The following KCNH8 variants were observed in gnomAD, a reference collection of about 807,000 sequenced individuals.
KCNH8 encodes the protein potassium voltage-gated channel subfamily H member 8, also known as voltage-gated delayed rectifier potassium channel KCNH8.
Under a neutral mutation model 103.6 loss-of-function variants are expected in KCNH8, and 70 were observed. The observed-to-expected ratio is 0.68, with a 90% CI of 0.56 to 0.82. The LOEUF is 0.82. Among genes scored for constraint, KCNH8 ranks in the 40% least tolerant of loss-of-function variants. The pLI is 0.00. For missense variants in KCNH8, 1,217 were observed against 1,329.9 expected (o/e 0.92, Z 1.32); for synonymous variants, 498 against 489.4 (o/e 1.02, Z -0.23).
chr3:19,150,090 A>ACC (rs1338706283), intron 1 of KCNH8, among the ~76,000 whole-genome samples: 16 of 152,262 alleles, frequency 1.1e-4, no homozygotes. Context: ...AAGTGTTTTT[A>ACC]TCTTTACATC....
At chr3:19,362,919 C>A (rs1007801278) in intron 5 of KCNH8, among the ~76,000 whole-genome samples, 28 of 152,012 alleles carry the variant, frequency 1.8e-4, no homozygotes, top group Non-Finnish European at 1.0e-4. Flanking sequence ...CCCAAAGTGC[C>A]AGGATTACAG....
intron 11 of KCNH8, among the ~76,000 whole-genome samples, chr3:19,509,400 G>A (rs2125240030): frequency 6.6e-6 from 1 of 152,184 alleles, no homozygotes; most frequent in Non-Finnish European, 1.5e-5. Flanking sequence ...ATAAAATCAT[G>A]TTAATTAACA....
chr3:19,281,182 T>C lies in KCNH8; in HGVS notation c.311-16T>C. 4 of 1,602,676 alleles carry C rather than the reference T, an allele frequency of 2.5e-6. No individual in the cohort carries two copies. The highest frequency in any genetic ancestry group is 1.7e-4 in the Middle Eastern group (1 of 6,000). On this transcript the variant is annotated splice_polypyrimidine_tract_variant and intron_variant, in intron 2 of 15. Coordinates refer to ENST00000328405, the MANE Select transcript of KCNH8 (RefSeq NM_144633.3). ...GGCAATGGTTGATTTGTATTTTTTT[T>C]TCTTTACTGTTGCAGGGTCTCCATT... is the stretch of plus-strand genomic sequence containing the variant.
chr3:19,458,851 T>C (rs751084028), intron 11 of KCNH8, among the ~76,000 whole-genome samples: 8 of 152,034 alleles, frequency 5.3e-5, no homozygotes, highest in Non-Finnish European at 1.2e-4. Context: ...CATGTAGTAT[T>C]TGTCTTTCTA....
chr3:19,209,901 C>T (rs1311403943), intron 1 of KCNH8, among the ~76,000 whole-genome samples: 2 of 151,982 alleles, frequency 1.3e-5, no homozygotes, highest in Non-Finnish European at 2.9e-5. Context: ...CTAGGTAAGC[C>T]CTCAAGTGGG....
intron 1 of KCNH8, among the ~76,000 whole-genome samples, chr3:19,178,931 G>A (rs1434887502): frequency 6.6e-6 from 1 of 152,044 alleles, no homozygotes; most frequent in East Asian, 1.9e-4. Context: ...GGTAAGATGC[G>A]ACACTAAAAG....
At chr3:19,499,457 T>C (rs969673233) in intron 11 of KCNH8, among the ~76,000 whole-genome samples, 7 of 152,118 alleles carry the variant, frequency 4.6e-5, no homozygotes, top group African/African-American at 1.7e-4. Flanking sequence ...AAGATACTCC[T>C]TGAGAAGAGC....
intron 5 of KCNH8, among the ~76,000 whole-genome samples, chr3:19,386,477 A>G (rs2066358453): frequency 6.6e-6 from 1 of 152,132 alleles, no homozygotes; most frequent in African/African-American, 2.4e-5. Flanking sequence ...ACCATGTGCC[A>G]TAAAGGATTG....
At chr3:19,182,918 G>A (rs1254861002) in intron 1 of KCNH8, among the ~76,000 whole-genome samples, 1 of 152,192 alleles carries the variant, frequency 6.6e-6, no homozygotes, top group Non-Finnish European at 1.5e-5. Flanking sequence ...TGGGCATTTT[G>A]TTACATTTAG....
intron 5 of KCNH8, among the ~76,000 whole-genome samples, chr3:19,353,192 T>G (rs1054090315): frequency 2.6e-5 from 4 of 152,072 alleles, no homozygotes; most frequent in African/African-American, 4.8e-5. Flanking sequence ...AGGAAGAAGT[T>G]GAATCCCTGA....
At chr3:19,204,226 C>G (rs1227989305) in intron 1 of KCNH8, among the ~76,000 whole-genome samples, 1 of 152,026 alleles carries the variant, frequency 6.6e-6, no homozygotes, top group South Asian at 2.1e-4. Flanking sequence ...CTCTGTCTTT[C>G]CTCTGTCATA....
At chr3:19,398,659 T>C (rs1000063873) in intron 7 of KCNH8, among the ~76,000 whole-genome samples, 7 of 151,974 alleles carry the variant, frequency 4.6e-5, no homozygotes, top group African/African-American at 1.7e-4. Context: ...CTCTGCTTCA[T>C]TTTCAAGGAC....
rs570815427 is a variant in KCNH8 at position 19,284,251 on chromosome 3, A to G, written c.442+2922A>G. Among the ~76,000 whole-genome samples, 11 of 152,250 alleles carry G rather than the reference A, an allele frequency of 7.2e-5. No individual in the cohort carries two copies. In the South Asian group the frequency reaches 2.3e-3, roughly 32 times the overall value. ...GAATAAGGTTCATGTTAATTAAATT[A>G]ATTAATACTGAGGTTCACATGATGG... On this transcript the variant is annotated intron_variant, in intron 3 of 15. Transcript: ENST00000328405.
chr3:19,426,634 A>T (rs928618560), intron 7 of KCNH8, among the ~76,000 whole-genome samples: 11 of 151,564 alleles, frequency 7.3e-5, no homozygotes, highest in African/African-American at 2.7e-4. Flanking sequence ...GTGAGTTTAA[A>T]TATTAGAGTG....
chr3:19,435,742 T>C (rs2125169630), intron 7 of KCNH8, among the ~76,000 whole-genome samples: 1 of 152,344 alleles, frequency 6.6e-6, no homozygotes, highest in South Asian at 2.1e-4. Flanking sequence ...TTTTTCATAT[T>C]ACTGAAGTGT....
intron 11 of KCNH8, among the ~76,000 whole-genome samples, chr3:19,478,179 G>A (rs1253266334): frequency 1.3e-5 from 2 of 151,854 alleles, no homozygotes; most frequent in Non-Finnish European, 2.9e-5. Context: ...ATCCTCCACT[G>A]ATGGGCCTAT....
chr3:19,459,601 T>C (rs2067589618), intron 11 of KCNH8, among the ~76,000 whole-genome samples: 1 of 152,108 alleles, frequency 6.6e-6, no homozygotes, highest in Non-Finnish European at 1.5e-5. Flanking sequence ...CTTTTAAATT[T>C]GATATAATTC....
chr3:19,251,531 A>G (rs2125251769), intron 1 of KCNH8, among the ~76,000 whole-genome samples: 1 of 152,098 alleles, frequency 6.6e-6, no homozygotes, highest in South Asian at 2.1e-4. Context: ...CTGCCAGCCG[A>G]TGGTGGACTA....
intron 15 of KCNH8, among the ~76,000 whole-genome samples, chr3:19,527,972 G>C (rs923662462): frequency 2.6e-5 from 4 of 151,986 alleles, no homozygotes; most frequent in African/African-American, 9.7e-5. Flanking sequence ...TTCTGGAAGA[G>C]ATAGAGAAAT....
Sources: gnomAD v4.1 joint callset for allele counts (sites outside exome capture counted in the v4.1 genomes callset) on GRCh38, gnomAD v4.1.1 for gene constraint, MANE v1.5 for transcripts, NCBI Gene and HGNC (gene_info 2026-07-23, HGNC 2026-07-21) for gene names.